ERG: variants seen among roughly 807,000 people sequenced by gnomAD.
The protein encoded by ERG is ETS transcription factor ERG.
In ERG, 9 loss-of-function variants were observed where a neutral mutation model predicts 55.3. The ratio of observed to expected loss-of-function variants is 0.16; its 90% CI spans 0.10 to 0.28. The LOEUF is 0.28. Among genes scored for constraint, ERG ranks in the 10% least tolerant of loss-of-function variants. The probability of loss-of-function intolerance (pLI) is 1.00; values close to 1 mark genes in which losing one functional copy is unlikely to be tolerated. For synonymous variants in ERG, 223 were observed against 237.3 expected (o/e 0.94, Z 0.55); for missense variants, 434 against 631.6 (o/e 0.69, Z 3.35).
At chr21:38,394,177 C>G (rs984554506) in intron 6 of ERG, among the ~76,000 whole-genome samples, 1 of 152,010 alleles carries the variant, frequency 6.6e-6, no homozygotes, top group Non-Finnish European at 1.5e-5. Context: ...TAACTAAGGC[C>G]TTCTATTTAC....
intron 1 of ERG, among the ~76,000 whole-genome samples, chr21:38,653,005 T>C (rs897600261): frequency 1.3e-5 from 2 of 152,212 alleles, no homozygotes; most frequent in African/African-American, 4.8e-5. Flanking sequence ...TTGCACGGCA[T>C]TCGCATTCAC....
At chr21:38,515,850 G>T (rs2059547809) in intron 2 of ERG, among the ~76,000 whole-genome samples, 1 of 151,788 alleles carries the variant, frequency 6.6e-6, no homozygotes, top group Non-Finnish European at 1.5e-5. Context: ...CAATAAATAT[G>T]ATACATCACA....
intron 1 of ERG, among the ~76,000 whole-genome samples, chr21:38,454,092 T>C (rs901427150): frequency 6.6e-5 from 10 of 152,342 alleles, no homozygotes; most frequent in South Asian, 2.1e-4. Flanking sequence ...TACTTGTTTT[T>C]GTTTCTCTAA....
chr21:38,660,082 T>C (rs571492163), intron 1 of ERG, among the ~76,000 whole-genome samples: 2 of 152,278 alleles, frequency 1.3e-5, no homozygotes, highest in African/African-American at 4.8e-5. Flanking sequence ...AGAGCCGGTG[T>C]TGCGGGGTGT....
chr21:38,585,529 C>CTTTTTTTTT (rs1568931635), upstream of ERG, among the ~76,000 whole-genome samples: 1 of 22,682 alleles, frequency 4.4e-5, no homozygotes, highest in Non-Finnish European at 1.1e-4. Context: ...CCCTCTCTCT[C>CTTTTTTTTT]TTCTTTTTTT....
In ERG at chr21:38,490,200, A is replaced by T. The variant is rs556011161; in HGVS notation, c.18+8163T>A. ...AAACATGTTCATCACAGGAAAATGG[A>T]CAAATTGGCTAATTGAAAACAAAAT... On this transcript the variant is annotated intron_variant, in intron 1 of 9. Transcript: ENST00000288319. Among the ~76,000 whole-genome samples, 17 of 152,334 alleles carry T rather than the reference A, an allele frequency of 1.1e-4. No individual in the cohort carries two copies. The South Asian group carries it at 3.5e-3, about 32-fold the overall frequency.
At position 38,489,724 on chromosome 21, in the gene ERG, C is replaced by T. The variant is rs76089592; in HGVS notation, c.18+8639G>A. ...CTGGCGTAGGCCAAGCCTCCTGGTC[C>T]GTCTTTTCCTTTGTTTCTTTATTCC... On this transcript the variant is annotated intron_variant, in intron 1 of 9. Transcript: ENST00000288319. 6.6e-4 allele frequency among the ~76,000 whole-genome samples: 101 copies of T among 152,372 alleles called. 2 individuals are homozygous for T. The East Asian group carries it at 9.8e-3, about 15-fold the overall frequency.
intron 1 of ERG, among the ~76,000 whole-genome samples, chr21:38,627,505 A>G (rs1224268837): frequency 3.9e-5 from 2 of 51,074 alleles, no homozygotes; most frequent in Non-Finnish European, 1.2e-4. Flanking sequence ...TGCCAGGAGG[A>G]AAAAAAAAAT....
At chr21:38,400,138 C>T in intron 6 of ERG, 1 of 366,358 alleles carries the variant, frequency 2.7e-6, no homozygotes. Context: ...CAGTAAGATT[C>T]AGATGTAAAT....
At chr21:38,526,375 A>G (rs183324166) in intron 2 of ERG, among the ~76,000 whole-genome samples, 60 of 152,320 alleles carry the variant, frequency 3.9e-4, no homozygotes, top group African/African-American at 1.4e-3. Context: ...TATTAATCAT[A>G]ATTTTGTCTG....
intron 3 of ERG, among the ~76,000 whole-genome samples, chr21:38,415,786 C>T (rs1014984738): frequency 3.4e-4 from 51 of 152,110 alleles, no homozygotes; most frequent in African/African-American, 1.2e-3. Flanking sequence ...TCCTGCAACC[C>T]CTGCGAGTCT....
chr21:38,392,587 T>A, intron 6 of ERG, 143 bp from the exon 7 acceptor site: 1 of 583,874 alleles, frequency 1.7e-6, no homozygotes, highest in Non-Finnish European at 2.9e-6. Context: ...CCACTAGATT[T>A]GAGTTTTATT....
At chr21:38,428,063 C>G (rs1311713574) in intron 2 of ERG, among the ~76,000 whole-genome samples, 2 of 151,394 alleles carry the variant, frequency 1.3e-5, no homozygotes, top group African/African-American at 2.4e-5. Context: ...ACCTGTAGTC[C>G]CAGCTACTCA....
At chr21:38,549,639 G>C (rs977547728) in intron 2 of ERG, among the ~76,000 whole-genome samples, 7 of 152,094 alleles carry the variant, frequency 4.6e-5, no homozygotes, top group African/African-American at 1.7e-4. Context: ...TTCTTTGGGT[G>C]CAAATATTAA....
At chr21:38,451,629 T>C (rs943405860) in intron 1 of ERG, among the ~76,000 whole-genome samples, 1 of 152,346 alleles carries the variant, frequency 6.6e-6, no homozygotes, top group Non-Finnish European at 1.5e-5. Flanking sequence ...GCAGCACATA[T>C]GCAGTAGATG....
At position 38,423,405 on chromosome 21, in the gene ERG, C is replaced by A. The variant is rs779662127; in HGVS notation, c.388+5G>T. ...CCGAGGGCAGTGAAGCTGTGGGCAC[C>A]TGACCTGCTGGCACGATAACTCTGC... On this transcript the variant is annotated splice_donor_5th_base_variant and intron_variant, in intron 3 of 9. Coordinates refer to ENST00000288319, the MANE Select transcript of ERG (RefSeq NM_182918.4). 1 of 1,610,880 alleles carries A rather than the reference C, an allele frequency of 6.2e-7. No individual in the cohort carries two copies. The highest frequency in any genetic ancestry group is 8.5e-7 in the Non-Finnish European group (1 of 1,177,848).
intron 2 of ERG, among the ~76,000 whole-genome samples, chr21:38,523,680 C>T (rs1269187868): frequency 2.6e-5 from 4 of 152,176 alleles, no homozygotes; most frequent in African/African-American, 4.8e-5. Context: ...CTACATCTAG[C>T]CCAATTTGCT....
chr21:38,644,627 T>C (rs896373766), intron 1 of ERG, among the ~76,000 whole-genome samples: 2 of 152,212 alleles, frequency 1.3e-5, no homozygotes, highest in African/African-American at 4.8e-5. Context: ...AGAACTAACT[T>C]AGGCTGAATT....
intron 1 of ERG, among the ~76,000 whole-genome samples, chr21:38,610,513 G>A (rs146410119): frequency 2.5e-3 from 345 of 138,694 alleles, no homozygotes; most frequent in Non-Finnish European, 4.4e-3. Flanking sequence ...AGTAGTCCAC[G>A]TGCGCGCACG....
Sources: gnomAD v4.1 joint callset for allele counts (sites outside exome capture counted in the v4.1 genomes callset) on GRCh38, gnomAD v4.1.1 for gene constraint, MANE v1.5 for transcripts, NCBI Gene and HGNC (gene_info 2026-07-23, HGNC 2026-07-21) for gene names.